Variants in MIA3 observed in about 807,000 individuals in gnomAD.
MIA3 encodes MIA SH3 domain ER export factor 3.
In MIA3, 90 loss-of-function variants were observed where a neutral mutation model predicts 192.4. The ratio of observed to expected loss-of-function variants is 0.47; its 90% confidence interval spans 0.39 to 0.56. The LOEUF (loss-of-function observed/expected upper bound fraction) is 0.56. Ranked by LOEUF, MIA3 falls within the 20% of genes least tolerant of loss-of-function variation. The pLI is 0.00. For synonymous variants in MIA3, 740 were observed against 792.8 expected (o/e 0.93, Z 1.12); for missense variants, 2,123 against 2,269.4 (o/e 0.94, Z 1.31).
chr1:222,646,955 C>CTT (rs1282212590), intron 7 of MIA3, among the ~76,000 whole-genome samples: 1 of 152,052 alleles, frequency 6.6e-6, no homozygotes, highest in Non-Finnish European at 1.5e-5. Flanking sequence ...GAAACCAAGA[C>CTT]TTTAAGGTAT....
At chr1:222,643,897 C>A (rs1052994629) in intron 6 of MIA3, among the ~76,000 whole-genome samples, 1 of 152,090 alleles carries the variant, frequency 6.6e-6, no homozygotes, top group Non-Finnish European at 1.5e-5. Flanking sequence ...AGACAGCGAG[C>A]GCAATGGAGG....
At chr1:222,663,555 C>T (rs1043673623) in intron 26 of MIA3, among the ~76,000 whole-genome samples, 1 of 152,126 alleles carries the variant, frequency 6.6e-6, no homozygotes, top group Non-Finnish European at 1.5e-5. Flanking sequence ...ATATGTAGGG[C>T]CTACAGAAGG....
chr1:222,633,845 T>C (rs1662513285), intron 6 of MIA3, among the ~76,000 whole-genome samples: 1 of 151,862 alleles, frequency 6.6e-6, no homozygotes, highest in Non-Finnish European at 1.5e-5. Flanking sequence ...TTGGTGTTTT[T>C]TCTTTTTCTT....
chr1:222,626,963 A>G (rs1662146193), intron 3 of MIA3, among the ~76,000 whole-genome samples: 1 of 152,194 alleles, frequency 6.6e-6, no homozygotes, highest in African/African-American at 2.4e-5. Flanking sequence ...GATGGGTTAT[A>G]AGGTGAATTC....
chr1:222,620,521 G>A (rs1184311381), intron 1 of MIA3, among the ~76,000 whole-genome samples: 1 of 152,172 alleles, frequency 6.6e-6, no homozygotes, highest in Non-Finnish European at 1.5e-5. Flanking sequence ...TGATGTAATT[G>A]AATCTATAGT....
At chr1:222,657,456 G>GC (rs1425342137) in intron 18 of MIA3, among the ~76,000 whole-genome samples, 1 of 152,224 alleles carries the variant, frequency 6.6e-6, no homozygotes, top group Admixed American at 6.5e-5. Flanking sequence ...GGCTTAAAAT[G>GC]CCGGGCTTAC....
chr1:222,630,175 A>G lies in MIA3; in HGVS notation c.2955A>G (p.Gln985=), dbSNP rs560444350. The change falls in exon 4 of 28, where the codon CAA becomes CAG. Residue 985 remains glutamine, a synonymous_variant. Transcript: ENST00000344922. ...AGGTCTTCCGTGCTTCTGAGTCACA[A>G]ATTCTGAGCATAGCAGAAAAAATGC... ...LDKVFRASES[Q]ILSIAEKMLD... is the part of the protein sequence containing the mutation. 5 of 1,614,230 alleles carry G rather than the reference A, an allele frequency of 3.1e-6. No homozygotes were observed. The highest frequency in any genetic ancestry group is 1.7e-5 in the Admixed American group (1 of 60,032).
intron 6 of MIA3, among the ~76,000 whole-genome samples, chr1:222,638,252 A>G (rs1662715555): frequency 6.6e-6 from 1 of 152,230 alleles, no homozygotes; most frequent in South Asian, 2.1e-4. Context: ...TTCAAGTAGT[A>G]CAAAGTCTGT....
At chr1:222,652,380 A>G in intron 13 of MIA3, 48 bp downstream of exon 13, 1 of 1,131,142 alleles carries the variant, frequency 8.8e-7, no homozygotes, top group Non-Finnish European at 1.3e-6. Flanking sequence ...AGAACTCAGT[A>G]TCATACCTCA....
At chr1:222,652,069 T>G (rs761608745) in intron 12 of MIA3, 21 bp downstream of exon 12, 3 of 1,408,318 alleles carry the variant, frequency 2.1e-6, no homozygotes, top group Non-Finnish European at 3.0e-6. Flanking sequence ...CTGTAATTCC[T>G]GCAGGATATT....
chr1:222,628,953 G>A lies in MIA3; in HGVS notation c.1733G>A (p.Gly578Asp). The A allele has an allele frequency of 6.2e-7, 1 of 1,614,178 alleles. No homozygotes were observed. The highest frequency in any genetic ancestry group is 2.2e-5 in the East Asian group (1 of 44,876). Reference protein sequence around the residue: ...NDRKIQQESLGSAPLMGDDHP... With the variant: ...NDRKIQQESLDSAPLMGDDHP... ...AGAAAGATTCAACAGGAATCCCTGG[G>A]TAGTGCACCACTCATGGGAGATGAC... The change falls in exon 4 of 28, where the codon GGT becomes GAT. Residue 578 changes from glycine (G) to aspartate (D), a missense_variant. Gly to Asp is a moderately conservative substitution (Grantham distance 94, BLOSUM62 -1). This residue lies in a region of MIA3 where 1,357 missense variants were observed against 1,396.1 expected (regional missense o/e 0.97). Coordinates refer to ENST00000344922, the MANE Select transcript of MIA3 (RefSeq NM_198551.4).
intron 20 of MIA3, 31 bp downstream of exon 20, chr1:222,659,544 C>T: frequency 6.2e-7 from 1 of 1,609,844 alleles, no homozygotes; most frequent in Non-Finnish European, 8.5e-7. Flanking sequence ...CTATATAGTG[C>T]CCGGAATTCT....
Position 222,658,632 on chromosome 1 carries a change from A to G in MIA3, c.4608-90A>G, listed in dbSNP as rs570857803. The G allele has an allele frequency of 1.2e-4, 102 of 832,516 alleles. No individual in the cohort carries two copies. The African/African-American group carries it at 1.6e-3, about 13-fold the overall frequency. The allele number at this position is 832,516 out of a possible 1,614,324, so 51.6% of individuals were successfully genotyped here. ...GTATAATCTATGCATTTTTAAGAAT[A>G]GGATAGGAAGTGAGATTTTATTGGA... On this transcript the variant is annotated intron_variant, in intron 18 of 27. Coordinates refer to ENST00000344922, the MANE Select transcript of MIA3 (RefSeq NM_198551.4).
rs1044191302 is a variant in MIA3 at position 222,656,626 on chromosome 1, A to T, written c.4607+1833A>T. Among the ~76,000 whole-genome samples, 3 of 151,994 alleles carry T rather than the reference A, an allele frequency of 2.0e-5. No individual in the cohort carries two copies. In the South Asian group the frequency reaches 6.2e-4, roughly 32 times the overall value. Reference sequence around the variant, plus strand: ...TTTTCTTTTGCATTTATACTGCTTGAGGTTATAAACATCTCTTGAGTTTGG... The same window carrying T: ...TTTTCTTTTGCATTTATACTGCTTGTGGTTATAAACATCTCTTGAGTTTGG... On this transcript the variant is annotated intron_variant, in intron 18 of 27. Coordinates refer to ENST00000344922, the MANE Select transcript of MIA3 (RefSeq NM_198551.4).
At chr1:222,657,471 A>T (rs908686376) in intron 18 of MIA3, among the ~76,000 whole-genome samples, 1 of 152,128 alleles carries the variant, frequency 6.6e-6, no homozygotes, top group Non-Finnish European at 1.5e-5. Context: ...GCTTACTTAT[A>T]ATTCTGTGTT....
chr1:222,628,099 C>T lies in MIA3; in HGVS notation c.879C>T (p.Thr293=). The stretch of plus-strand genomic sequence containing the variant: ...CACTTGTATCTGATGATGAGACAAC[C>T]AGACTCGTTACTTCATTAGAAGATG... ...ADALVSDDET[T]RLVTSLEDDF... is the part of the protein sequence containing the mutation. The change falls in exon 4 of 28, where the codon ACC becomes ACT. Residue 293 remains threonine, a synonymous_variant. Transcript: ENST00000344922. The T allele has an allele frequency of 6.2e-7, 1 of 1,614,006 alleles. No individual in the cohort carries two copies. Among genetic ancestry groups the T allele is most frequent in the Non-Finnish European group, 8.5e-7 (1 of 1,180,022 alleles).
At chr1:222,649,006 G>A (rs1421970524) in intron 8 of MIA3, among the ~76,000 whole-genome samples, 156 bp downstream of exon 8, 1 of 152,158 alleles carries the variant, frequency 6.6e-6, no homozygotes, top group Non-Finnish European at 1.5e-5. Flanking sequence ...TTGTATGATA[G>A]AGTAAATGGT....
Position 222,630,173 on chromosome 1 carries a change from C to A in MIA3, c.2953C>A (p.Gln985Lys), listed in dbSNP as rs776186693. The A allele has an allele frequency of 4.3e-6, 7 of 1,614,074 alleles. No individual in the cohort carries two copies. The East Asian group carries it at 1.6e-4, about 36-fold the overall frequency. The stretch of plus-strand genomic sequence containing the variant: ...TAAGGTCTTCCGTGCTTCTGAGTCA[C>A]AAATTCTGAGCATAGCAGAAAAAAT... ...LDKVFRASES[Q>K]ILSIAEKMLD... Residue 985 changes from glutamine to lysine, a missense_variant, in exon 4 of 28, where the codon CAA (glutamine) becomes AAA (lysine). Around this residue, in one of 3 missense-constraint regions of MIA3, gnomAD observed 1,357 missense variants for 1,396.1 expected, o/e 0.97. Transcript: ENST00000344922.
Position 222,666,255 on chromosome 1 carries a change from G to A in MIA3, c.*636G>A, listed in dbSNP as rs1437385731. On this transcript the variant is annotated 3_prime_UTR_variant, in exon 28 of 28. Transcript: ENST00000344922. ...GATGGTGGCTGGTGGCACACTTCCG[G>A]CTGCTCCTCCGTCACCTGTGAACTC... is the stretch of plus-strand genomic sequence containing the variant. 2 of 152,184 alleles carry A rather than the reference G, an allele frequency of 1.3e-5. No individual in the cohort carries two copies. Among genetic ancestry groups the A allele is most frequent in the Non-Finnish European group, 2.9e-5 (2 of 68,052 alleles). The allele number at this position is 152,184 out of a possible 1,614,324, so 9.4% of individuals were successfully genotyped here.
Sources: gnomAD v4.1 joint callset for allele counts (sites outside exome capture counted in the v4.1 genomes callset) on GRCh38, gnomAD v4.1.1 for gene constraint, gnomAD v4.1.1 regional missense constraint, MANE v1.5 for transcripts, NCBI Gene and HGNC (gene_info 2026-07-23, HGNC 2026-07-21) for gene names.